The following LZTS2 variants were observed in gnomAD, a reference collection of about 807,000 sequenced individuals.
The protein encoded by LZTS2 is leucine zipper putative tumor suppressor 2.
Under a neutral mutation model 60.6 loss-of-function variants are expected in LZTS2, and 32 were observed. The ratio of observed to expected loss-of-function variants is 0.53; its 90% CI spans 0.40 to 0.71. The LOEUF (loss-of-function observed/expected upper bound fraction) is 0.71, where lower values mean the gene tolerates loss of function less well. LZTS2 is among the 30% of genes least tolerant of loss of function. The pLI is 0.00. For synonymous variants in LZTS2, 360 were observed against 393.1 expected (o/e 0.92, Z 1.00); for missense variants, 792 against 901.9 (o/e 0.88, Z 1.56).
upstream of LZTS2, among the ~76,000 whole-genome samples, chr10:100,997,525 C>G (rs1308447262): frequency 6.6e-6 from 1 of 151,918 alleles, no homozygotes; most frequent in Non-Finnish European, 1.5e-5. Context: ...CAGCGCCAGC[C>G]GGCCCGCGCG....
At chr10:101,007,360 C>T (rs701836) in exon 4 of LZTS2, 19 of 1,412,642 alleles carry the variant, frequency 1.3e-5, no homozygotes, top group African/African-American at 2.9e-5. Flanking sequence ...AAGATCAGAC[C>T]GCTCAAAGGT....
exon 2 of LZTS2, chr10:101,003,616 C>G (rs1162852019): frequency 1.9e-6 from 3 of 1,602,238 alleles, no homozygotes; most frequent in African/African-American, 2.7e-5. Flanking sequence ...ACCGGGCTGT[C>G]TGGGAGCCAG....
chr10:101,002,075 C>T (rs923607869), exon 1 of LZTS2: 4 of 155,178 alleles, frequency 2.6e-5, no homozygotes, highest in African/African-American at 7.2e-5. Context: ...TGATTGCACC[C>T]CTGAGGTACC....
chr10:101,006,450 T>A (rs1852201384), intron 3 of LZTS2, 35 bp from the exon 5 acceptor site: 3 of 1,582,114 alleles, frequency 1.9e-6, no homozygotes, highest in Non-Finnish European at 2.6e-6. Context: ...GGAGAACCTG[T>A]CTCACCATCC....
intron 3 of LZTS2, 73 bp from the exon 5 acceptor site, chr10:101,006,412 A>G: frequency 6.7e-7 from 1 of 1,496,698 alleles, no homozygotes; most frequent in Non-Finnish European, 8.9e-7. Context: ...CCAAATGCCC[A>G]GCATGATGTG....
chr10:100,998,199 G>C (rs1436111865), upstream of LZTS2: 1 of 152,450 alleles, frequency 6.6e-6, no homozygotes, highest in Non-Finnish European at 1.5e-5. Flanking sequence ...CCCAGGGAAT[G>C]AGGGAGTGGG....
At chr10:101,005,655 C>T (rs149671952) in exon 3 of LZTS2, 112 of 1,608,578 alleles carry the variant, frequency 7.0e-5, no homozygotes, top group African/African-American at 5.1e-4. Context: ...AGCGGCGCTG[C>T]GCCACCTTGG....
At position 101,006,468 on chromosome 10, in the gene LZTS2, CT is replaced by C. The variant is rs768513517; in HGVS notation, c.1327-15del. 3 of 1,599,270 alleles carry C rather than the reference CT, an allele frequency of 1.9e-6. No homozygotes were observed. The Admixed American group carries it at 5.1e-5, about 27-fold the overall frequency. ...GAACCTGTCTCACCATCCTTCCCCA[CT>C]TCCTCCCACCCCCAGGTGTGCCAGA... On this transcript the variant is annotated splice_polypyrimidine_tract_variant and intron_variant, in intron 3 of 3. Transcript: ENST00000370220.
At chr10:100,997,033 G>T (rs1851929892), upstream of LZTS2, 2 of 152,448 alleles carry the variant, frequency 1.3e-5, no homozygotes, top group Admixed American at 1.3e-4. Flanking sequence ...TCCCTGGGTG[G>T]GGGGCGCGGC....
chr10:101,002,528 C>CCTCTGCCACCATGGCCATTGTGCAGA lies in LZTS2; in HGVS notation c.-2_24dup. ...TGCGAGGCCGCTGGCCAGGCCTGAG[C>CCTCTGCCACCATGGCCATTGTGCAGA]CTCTGCCACCATGGCCATTGTGCAG... On this transcript the variant is annotated 5_prime_UTR_variant, in exon 1 of 4. It adds an upstream start codon to the 5' untranslated region. Coordinates refer to ENST00000370220, the Ensembl canonical transcript of LZTS2. The CCTCTGCCACCATGGCCATTGTGCAGA allele has an allele frequency of 6.6e-7, 1 of 1,509,748 alleles. No homozygotes were observed. The highest frequency in any genetic ancestry group is 8.9e-7 in the Non-Finnish European group (1 of 1,129,298). 93.5% of individuals were successfully genotyped at this position (1,509,748 alleles called of 1,614,324 possible).
At chr10:100,997,027 T>C (rs1454438675), upstream of LZTS2, 1 of 152,240 alleles carries the variant, frequency 6.6e-6, no homozygotes, top group Non-Finnish European at 1.5e-5. Context: ...CTCCCCTCCC[T>C]GGGTGGGGGG....
upstream of LZTS2, among the ~76,000 whole-genome samples, chr10:100,996,861 G>A (rs533929180): frequency 7.2e-5 from 11 of 152,336 alleles, no homozygotes; most frequent in East Asian, 1.9e-3. Flanking sequence ...CCAGGTAGCC[G>A]AATTCTCGGT....
intron 1 of LZTS2, chr10:101,003,299 A>G (rs544864913): frequency 3.7e-6 from 2 of 544,910 alleles, no homozygotes; most frequent in African/African-American, 3.8e-5. Context: ...CATCTGTAAT[A>G]TGGGGATAGT....
intron 3 of LZTS2, among the ~76,000 whole-genome samples, chr10:101,005,973 A>G (rs1852174679): frequency 6.6e-6 from 1 of 152,222 alleles, no homozygotes; most frequent in South Asian, 2.1e-4. Flanking sequence ...TAAGCATGTT[A>G]CATGGAACAG....
exon 4 of LZTS2, chr10:101,007,289 TAGGA>T: frequency 7.0e-7 from 1 of 1,423,762 alleles, no homozygotes; most frequent in Non-Finnish European, 9.1e-7. Flanking sequence ...ACTTGTCTCC[TAGGA>T]TCCAGGCCTC....
exon 2 of LZTS2, chr10:101,003,573 C>G (rs781373275): frequency 1.9e-6 from 3 of 1,564,330 alleles, no homozygotes; most frequent in South Asian, 1.2e-5. Flanking sequence ...TCGAGGGGCT[C>G]CGTCCCTGCC....
chr10:101,005,548 C>T lies in LZTS2; in HGVS notation c.1159C>T (p.Gln387Ter). The T allele has an allele frequency of 6.2e-7, 1 of 1,609,094 alleles. No homozygotes were observed. The highest frequency in any genetic ancestry group is 8.5e-7 in the Non-Finnish European group (1 of 1,179,206). ...CCAGGCACAGCGGGCACAGCGGGCC[C>T]AACAGCTGCTGCAGCTGCAGGTGTT... The change falls in exon 3 of 4, where the codon CAA becomes TAA. Residue 387 changes from glutamine to a stop codon, truncating the protein, a stop_gained. Coordinates refer to ENST00000370220, the Ensembl canonical transcript of LZTS2. LOFTEE classifies it high-confidence loss of function.
upstream of LZTS2, chr10:100,997,012 G>C (rs188998801): frequency 6.6e-6 from 1 of 152,476 alleles, no homozygotes; most frequent in Non-Finnish European, 1.5e-5. Context: ...GTGCGGGGCA[G>C]ACCACTCCCC....
chr10:101,006,233 T>A (rs1443831624), intron 3 of LZTS2, among the ~76,000 whole-genome samples: 1 of 152,184 alleles, frequency 6.6e-6, no homozygotes, highest in Non-Finnish European at 1.5e-5. Flanking sequence ...CAGGGCTTGG[T>A]GGTACTTGCA....
Sources: allele counts gnomAD v4.1 joint callset (sites outside exome capture counted in the v4.1 genomes callset), GRCh38; gene constraint gnomAD v4.1.1; transcripts MANE v1.5; gene names NCBI Gene and HGNC (gene_info 2026-07-23, HGNC 2026-07-21).